Variants in KCNAB1 observed in about 807,000 individuals in gnomAD.
The protein encoded by KCNAB1 is voltage-gated potassium channel subunit beta-1.
In KCNAB1, 35 loss-of-function variants were observed where a neutral mutation model predicts 64.6. The observed-to-expected ratio is 0.54, with a 90% CI of 0.41 to 0.72. The LOEUF (loss-of-function observed/expected upper bound fraction) is 0.72, where lower values mean the gene tolerates loss of function less well. Among genes scored for constraint, KCNAB1 ranks in the 30% least tolerant of loss-of-function variants. KCNAB1 has a pLI of 0.00. For synonymous variants in KCNAB1, 177 were observed against 183.8 expected (o/e 0.96, Z 0.30); for missense variants, 401 against 512.9 (o/e 0.78, Z 2.11).
intron 1 of KCNAB1, among the ~76,000 whole-genome samples, chr3:156,123,974 G>A (rs1713500266): frequency 6.6e-6 from 1 of 152,042 alleles, no homozygotes; most frequent in African/African-American, 2.4e-5. Context: ...TGGGTCATGG[G>A]TAAAAGTCAG....
At chr3:156,277,282 A>T (rs1211748841) in intron 1 of KCNAB1, among the ~76,000 whole-genome samples, 1 of 152,150 alleles carries the variant, frequency 6.6e-6, no homozygotes, top group East Asian at 1.9e-4. Flanking sequence ...CTGATGATAG[A>T]TCACCATAAC....
intron 1 of KCNAB1, among the ~76,000 whole-genome samples, chr3:156,212,968 GA>G (rs1179652996): frequency 2.0e-5 from 3 of 152,162 alleles, no homozygotes; most frequent in African/African-American, 7.2e-5. Context: ...TTAAGGCAAT[GA>G]GGAGTGATGT....
At chr3:156,483,295 G>A (rs1714963696) in intron 8 of KCNAB1, among the ~76,000 whole-genome samples, 1 of 152,136 alleles carries the variant, frequency 6.6e-6, no homozygotes, top group African/African-American at 2.4e-5. Flanking sequence ...GAACAGCTAA[G>A]GACTATTTGC....
At chr3:156,211,758 A>C (rs902942469) in intron 1 of KCNAB1, among the ~76,000 whole-genome samples, 2 of 152,236 alleles carry the variant, frequency 1.3e-5, no homozygotes, top group East Asian at 3.9e-4. Flanking sequence ...GAAATGAATG[A>C]CTCCAGGAAA....
intron 8 of KCNAB1, among the ~76,000 whole-genome samples, chr3:156,493,129 A>G (rs1218311800): frequency 1.3e-5 from 2 of 152,062 alleles, no homozygotes; most frequent in African/African-American, 2.4e-5. Flanking sequence ...AGAAACACAC[A>G]ACCAATTTTA....
rs142366752 is a variant in KCNAB1, at chr3:156,472,242, T to C, written c.572-2492T>C. 3.8e-3 allele frequency among the ~76,000 whole-genome samples: 577 copies of C among 152,340 alleles called. 1 individual carries two copies. The highest frequency in any genetic ancestry group is 7.3e-3 in the South Asian group (35 of 4,820). On this transcript the variant is annotated intron_variant, in intron 7 of 13. Transcript: ENST00000490337. The stretch of plus-strand genomic sequence containing the variant: ...CCAGCACACCAGCAAGTCCATGTAT[T>C]ACTACTTACACAACCTGTCCCAAAT...
intron 1 of KCNAB1, among the ~76,000 whole-genome samples, chr3:156,358,669 AT>A (rs60051624): frequency 0.28 from 41,299 of 148,390 alleles, 6,910 homozygotes; most frequent in African/African-American, 0.49. Context: ...TTCTCTTTCC[AT>A]TTTTTTTTTT....
At chr3:156,436,929 T>C (rs954558656) in intron 2 of KCNAB1, among the ~76,000 whole-genome samples, 1 of 152,224 alleles carries the variant, frequency 6.6e-6, no homozygotes, top group Non-Finnish European at 1.5e-5. Context: ...TTTCCATTTG[T>C]CAATTTTTGT....
At chr3:156,146,788 A>AT (rs1047795858) in intron 1 of KCNAB1, among the ~76,000 whole-genome samples, 9 of 152,022 alleles carry the variant, frequency 5.9e-5, no homozygotes, top group Non-Finnish European at 1.2e-4. Flanking sequence ...CACAAATCTT[A>AT]TTTTTTCCTC....
At chr3:156,483,107 G>A (rs900177490) in intron 8 of KCNAB1, among the ~76,000 whole-genome samples, 4 of 152,116 alleles carry the variant, frequency 2.6e-5, no homozygotes, top group African/African-American at 9.7e-5. Flanking sequence ...CAGTGCTCAT[G>A]TGACCTGTTC....
intron 1 of KCNAB1, among the ~76,000 whole-genome samples, chr3:156,211,071 A>AT (rs1314739036): frequency 1.3e-5 from 2 of 152,090 alleles, no homozygotes; most frequent in Admixed American, 1.3e-4. Flanking sequence ...TCAAACAGAG[A>AT]TTTGAGATGG....
intron 8 of KCNAB1, among the ~76,000 whole-genome samples, chr3:156,501,729 G>C (rs1168881187): frequency 1.3e-5 from 2 of 152,080 alleles, no homozygotes; most frequent in African/African-American, 4.8e-5. Context: ...ACTGCGCCCG[G>C]CCTGACTTAG....
intron 8 of KCNAB1, among the ~76,000 whole-genome samples, chr3:156,480,868 A>G (rs1576921619): frequency 6.6e-6 from 1 of 152,130 alleles, no homozygotes; most frequent in Admixed American, 6.5e-5. Flanking sequence ...CCGCAGACAC[A>G]TAGTAGGTGC....
intron 1 of KCNAB1, chr3:156,291,785 T>C: frequency 6.6e-7 from 1 of 1,521,234 alleles, no homozygotes; most frequent in Non-Finnish European, 8.8e-7. Context: ...TCTGACGGCA[T>C]CCCCAGGAAG....
At chr3:156,152,066 T>A (rs1004466619) in intron 1 of KCNAB1, among the ~76,000 whole-genome samples, 6 of 152,206 alleles carry the variant, frequency 3.9e-5, no homozygotes, top group African/African-American at 1.4e-4. Flanking sequence ...TGTTACCGTG[T>A]CCCTGACAAC....
At position 156,515,368 on chromosome 3, in the gene KCNAB1, G is replaced by A. The variant is rs753685708; in HGVS notation, c.865+148G>A. 160 of 715,916 alleles carry A rather than the reference G, an allele frequency of 2.2e-4. 2 individuals carry two copies. Among genetic ancestry groups the A allele is most frequent in the South Asian group, 1.4e-4 (7 of 49,920 alleles). 44.3% of individuals were successfully genotyped at this position (715,916 alleles called of 1,614,324 possible). A position where few individuals can be genotyped will look rare whatever the true frequency, so the allele number is the denominator to read the frequency against. On this transcript the variant is annotated intron_variant, in intron 10 of 13. Transcript: ENST00000490337. Reference sequence around the variant, plus strand: ...GTAAGAACCATGCATTCCAGAGATTGTAGCAGAATCAAAATGTAGCAGAAT... The same window carrying A: ...GTAAGAACCATGCATTCCAGAGATTATAGCAGAATCAAAATGTAGCAGAAT...
chr3:156,320,655 G>A (rs533423984), intron 1 of KCNAB1, among the ~76,000 whole-genome samples: 2 of 152,266 alleles, frequency 1.3e-5, no homozygotes, highest in East Asian at 3.9e-4. Flanking sequence ...AGAGTACCAG[G>A]AATGTTGCTG....
At chr3:156,208,728 C>T (rs1714826780) in intron 1 of KCNAB1, among the ~76,000 whole-genome samples, 1 of 152,204 alleles carries the variant, frequency 6.6e-6, no homozygotes, top group South Asian at 2.1e-4. Flanking sequence ...TCCAAGAATC[C>T]TGCATCCTGA....
intron 8 of KCNAB1, among the ~76,000 whole-genome samples, chr3:156,513,569 C>T (rs1717360865): frequency 6.6e-6 from 1 of 152,194 alleles, no homozygotes; most frequent in Non-Finnish European, 1.5e-5. Flanking sequence ...TTGAGGGTCT[C>T]CATGCTCTCT....
Sources: gnomAD v4.1 joint callset for allele counts (sites outside exome capture counted in the v4.1 genomes callset) on GRCh38, gnomAD v4.1.1 for gene constraint, MANE v1.5 for transcripts, NCBI Gene and HGNC (gene_info 2026-07-23, HGNC 2026-07-21) for gene names.